ARAP2: variants seen among roughly 807,000 people sequenced by gnomAD.
The protein encoded by ARAP2 is arf-GAP with Rho-GAP domain, ANK repeat and PH domain-containing protein 2.
Under a neutral mutation model 194.5 loss-of-function variants are expected in ARAP2, and 148 were observed. The ratio of observed to expected loss-of-function variants is 0.76; its 90% CI spans 0.67 to 0.87. The LOEUF (loss-of-function observed/expected upper bound fraction) is 0.87, where lower values mean the gene tolerates loss of function less well. Ranked by LOEUF, ARAP2 falls within the 40% of genes least tolerant of loss-of-function variation. The probability of loss-of-function intolerance (pLI) is 0.00; values close to 1 mark genes in which losing one functional copy is unlikely to be tolerated. For missense variants in ARAP2, 2,128 were observed against 1,989.7 expected, an observed-to-expected ratio of 1.07 and a Z score of -1.32; for synonymous variants, 695 against 683.5, an observed-to-expected ratio of 1.02 and a Z score of -0.26.
chr4:36,230,968 T>C (rs113200272), intron 1 of ARAP2, among the ~76,000 whole-genome samples: 308 of 152,306 alleles, frequency 2.0e-3, no homozygotes, highest in African/African-American at 6.9e-3. Flanking sequence ...AAATAAATGA[T>C]GAAAGGCAAG....
intron 6 of ARAP2, among the ~76,000 whole-genome samples, chr4:36,018,961 T>A (rs921586170): frequency 6.7e-6 from 1 of 150,328 alleles, no homozygotes; most frequent in Middle Eastern, 3.4e-3. Flanking sequence ...AAATGGCATA[T>A]AGGCAGAGGA....
intron 15 of ARAP2, among the ~76,000 whole-genome samples, chr4:36,155,326 G>A (rs554511890): frequency 6.6e-6 from 1 of 152,296 alleles, no homozygotes; most frequent in Admixed American, 6.5e-5. Context: ...AACATACACA[G>A]CATCCTATGA....
Position 36,147,535 on chromosome 4 carries a change from A to C in ARAP2, c.3199+13T>G. 3 of 1,599,444 alleles carry C rather than the reference A, an allele frequency of 1.9e-6. No individual in the cohort carries two copies. The highest frequency in any genetic ancestry group is 2.6e-6 in the Non-Finnish European group (3 of 1,175,266). Reference sequence around the variant, plus strand: ...AAAGTGTTCCAAAGATAAGGGAAGAAAAAAGCTCTTACTTAGCTCTTGCAG... The same window carrying C: ...AAAGTGTTCCAAAGATAAGGGAAGACAAAAGCTCTTACTTAGCTCTTGCAG... On this transcript the variant is annotated intron_variant, in intron 18 of 32. Coordinates refer to ENST00000303965, the MANE Select transcript of ARAP2 (RefSeq NM_015230.4).
chr4:36,022,240 T>C (rs1717087533), intron 5 of ARAP2, among the ~76,000 whole-genome samples: 1 of 152,172 alleles, frequency 6.6e-6, no homozygotes, highest in Non-Finnish European at 1.5e-5. Flanking sequence ...ATTACAATTA[T>C]TTTGTTAATT....
At chr4:36,233,969 G>A (rs754542734) in intron 1 of ARAP2, among the ~76,000 whole-genome samples, 1 of 152,122 alleles carries the variant, frequency 6.6e-6, no homozygotes, top group East Asian at 1.9e-4. Flanking sequence ...AACAAAATAC[G>A]AATGCTCTTG....
intron 19 of ARAP2, among the ~76,000 whole-genome samples, chr4:36,144,483 T>C (rs765059236): frequency 3.7e-4 from 56 of 151,844 alleles, no homozygotes. Context: ...AATCATCATC[T>C]AGTAACAAAA....
intron 6 of ARAP2, among the ~76,000 whole-genome samples, chr4:36,205,980 G>A (rs1434050187): frequency 6.6e-6 from 1 of 152,174 alleles, no homozygotes; most frequent in Non-Finnish European, 1.5e-5. Context: ...TTTTATCAAG[G>A]ATTTCGGATT....
chr4:36,205,874 ATATTAAAGCTTTTTATT>A (rs959920409), intron 6 of ARAP2, among the ~76,000 whole-genome samples: 210 of 152,356 alleles, frequency 1.4e-3, no homozygotes, highest in African/African-American at 4.9e-3. Flanking sequence ...AACTACAAAA[ATATTAAAGCTTTTTATT>A]TCCTTGGCAC....
chr4:36,051,655 T>C (rs1427068784), intron 3 of ARAP2, among the ~76,000 whole-genome samples: 4 of 152,222 alleles, frequency 2.6e-5, no homozygotes, highest in African/African-American at 9.6e-5. Flanking sequence ...ATTCCACAGA[T>C]TGTCTGTCTT....
chr4:36,075,829 C>T (rs1020170442), intron 31 of ARAP2, among the ~76,000 whole-genome samples: 23 of 152,116 alleles, frequency 1.5e-4, no homozygotes, highest in African/African-American at 5.1e-4. Context: ...ACAAATTACT[C>T]TGTACATCCA....
chr4:36,089,680 T>G (rs1041910291), intron 28 of ARAP2, among the ~76,000 whole-genome samples: 1 of 152,154 alleles, frequency 6.6e-6, no homozygotes, highest in South Asian at 2.1e-4. Context: ...TTCCCGATTA[T>G]TAATGATATT....
intron 6 of ARAP2, 24 bp from the exon 7 acceptor site, chr4:36,193,671 T>C (rs1468045737): frequency 1.3e-6 from 2 of 1,552,554 alleles, no homozygotes; most frequent in South Asian, 1.2e-5. Flanking sequence ...GAAATTGTTA[T>C]TTTACATTCA....
rs796310005 is a variant in ARAP2, at chr4:36,096,374, A to AAAAAAAAAAAAAAG, written c.4286-4355_4286-4354insCTTTTTTTTTTTTT. On this transcript the variant is annotated intron_variant, in intron 27 of 32. Transcript: ENST00000303965. ...AGTGAGACTCTCTCAAAAAAAAAAA[A>AAAAAAAAAAAAAAG]AAAAAAGAAAAAGGAAAAAAGTAGT... Among the ~76,000 whole-genome samples the AAAAAAAAAAAAAAG allele has an allele frequency of 5.0e-4, 71 of 142,052 alleles. 1 individual carries two copies. Among genetic ancestry groups the AAAAAAAAAAAAAAG allele is most frequent in the African/African-American group, 1.5e-3 (50 of 34,182 alleles). The allele number at this position is 142,052 out of a possible 152,430, so 93.2% of individuals were successfully genotyped here.
chr4:36,058,365 C>T (rs997134192), intron 1 of ARAP2, among the ~76,000 whole-genome samples: 1 of 152,154 alleles, frequency 6.6e-6, no homozygotes, highest in Admixed American at 6.5e-5. Flanking sequence ...AATGTTGTTT[C>T]CTGAACAAGA....
intron 19 of ARAP2, 140 bp downstream of exon 19, chr4:36,147,156 C>G: frequency 1.6e-6 from 1 of 642,382 alleles, no homozygotes; most frequent in Admixed American, 2.9e-5. Context: ...CTAATATATA[C>G]TATATATGTA....
At chr4:36,045,511 T>C (rs955144408) in intron 5 of ARAP2, among the ~76,000 whole-genome samples, 4 of 151,322 alleles carry the variant, frequency 2.6e-5, no homozygotes, top group African/African-American at 9.7e-5. Flanking sequence ...AAATACAGAG[T>C]GGAATGGTGG....
intron 19 of ARAP2, among the ~76,000 whole-genome samples, chr4:36,138,756 T>G (rs1429835287): frequency 7.9e-5 from 12 of 151,710 alleles, no homozygotes; most frequent in Non-Finnish European, 3.0e-5. Context: ...TATAGTTAAG[T>G]GTAAACCAAC....
At chr4:36,202,303 C>T (rs899003114) in intron 6 of ARAP2, among the ~76,000 whole-genome samples, 1 of 152,096 alleles carries the variant, frequency 6.6e-6, no homozygotes, top group East Asian at 1.9e-4. Flanking sequence ...CAAGGAATTA[C>T]TAAAATATTT....
chr4:36,122,340 C>A (rs974725874), intron 22 of ARAP2, among the ~76,000 whole-genome samples: 2 of 151,840 alleles, frequency 1.3e-5, no homozygotes, highest in African/African-American at 4.8e-5. Flanking sequence ...CAGCACTGTT[C>A]ACAAAACCAA....
Sources: gnomAD v4.1 joint callset for allele counts (sites outside exome capture counted in the v4.1 genomes callset) on GRCh38, gnomAD v4.1.1 for gene constraint, MANE v1.5 for transcripts, NCBI Gene and HGNC (gene_info 2026-07-23, HGNC 2026-07-21) for gene names.